Variants in TRPM3 observed in about 807,000 individuals in gnomAD.
TRPM3 encodes transient receptor potential cation channel subfamily M member 3.
A neutral mutation model predicts 181.2 loss-of-function variants in TRPM3; 77 were observed. The ratio of observed to expected loss-of-function variants is 0.42; its 90% CI spans 0.35 to 0.51. The LOEUF is 0.51. Ranked by LOEUF, TRPM3 falls within the 20% of genes least tolerant of loss-of-function variation. The pLI is 0.01. For synonymous variants in TRPM3, 745 were observed against 796.4 expected, an observed-to-expected ratio of 0.94 and a Z score of 1.09; for missense variants, 1,759 against 2,196.7, an observed-to-expected ratio of 0.80 and a Z score of 3.98.
intron 1 of TRPM3, among the ~76,000 whole-genome samples, chr9:71,199,245 C>G (rs2078614644): frequency 6.6e-6 from 1 of 151,566 alleles, no homozygotes; most frequent in African/African-American, 2.4e-5. Context: ...GGTGGATAAG[C>G]TTTTTGATGT....
rs2040581559 is a variant in TRPM3, at chr9:70,529,545, G to A, written c.*6408C>T. On this transcript the variant is annotated 3_prime_UTR_variant, in exon 26 of 26. Coordinates refer to ENST00000677713, the MANE Select transcript of TRPM3 (RefSeq NM_001366145.2). ...CGCAGTAGTGACAGGAAGCAGGTAA[G>A]TCTTCATACCATGCTATGGTACTCT... 1.3e-5 allele frequency: 2 copies of A among 152,178 alleles called. No homozygotes were observed. The highest frequency in any genetic ancestry group is 2.1e-4 in the South Asian group (1 of 4,828). The allele number at this position is 152,178 out of a possible 1,614,324, so 9.4% of individuals were successfully genotyped here.
chr9:71,298,984 T>C (rs1260665611), intron 1 of TRPM3, among the ~76,000 whole-genome samples: 2 of 152,110 alleles, frequency 1.3e-5, no homozygotes, highest in Non-Finnish European at 2.9e-5. Context: ...TAGATAAATC[T>C]TTGTCTAAAA....
intron 8 of TRPM3, among the ~76,000 whole-genome samples, chr9:70,689,530 AAC>A (rs1554670595): frequency 8.0e-5 from 12 of 149,712 alleles, no homozygotes. Context: ...TTAAAAAAAA[AAC>A]AACAAGAGAG....
intron 8 of TRPM3, among the ~76,000 whole-genome samples, chr9:70,684,869 T>G (rs568209651): frequency 6.6e-5 from 10 of 152,322 alleles, no homozygotes; most frequent in African/African-American, 2.4e-4. Flanking sequence ...GGTTTGGGTA[T>G]TAGAGTTACG....
At chr9:71,158,186 C>T (rs2076098722) in intron 1 of TRPM3, among the ~76,000 whole-genome samples, 2 of 152,118 alleles carry the variant, frequency 1.3e-5, no homozygotes, top group Admixed American at 6.6e-5. Flanking sequence ...GAAACTGAAG[C>T]TTTACTTAGT....
chr9:70,802,536 T>C (rs1212764585), intron 6 of TRPM3, among the ~76,000 whole-genome samples: 3 of 152,216 alleles, frequency 2.0e-5, no homozygotes, highest in Non-Finnish European at 4.4e-5. Context: ...AGGAAACATA[T>C]ATTAGTCTGT....
At position 70,598,599 on chromosome 9, in the gene TRPM3, C is replaced by T. The variant is rs771870071; in HGVS notation, c.2868G>A (p.Thr956=). The T allele has an allele frequency of 9.3e-6, 15 of 1,614,044 alleles. No individual in the cohort carries two copies. Among genetic ancestry groups the T allele is most frequent in the East Asian group, 2.2e-5 (1 of 44,896 alleles). Residue 956 remains threonine (T), a synonymous_variant, in exon 21 of 26, where the codon ACG becomes ACA. Coordinates refer to ENST00000677713, the MANE Select transcript of TRPM3 (RefSeq NM_001366145.2). ...KVWLQEYWNV[T]DLIAILLFSV... Reference sequence around the variant, plus strand: ...AAAACAGAAGGATGGCGATGAGGTCCGTGACATTCCAGTACTCCTGCAGCC... The same window carrying T: ...AAAACAGAAGGATGGCGATGAGGTCTGTGACATTCCAGTACTCCTGCAGCC...
intron 9 of TRPM3, among the ~76,000 whole-genome samples, chr9:70,663,028 G>C (rs1412210295): frequency 6.6e-6 from 1 of 152,106 alleles, no homozygotes; most frequent in South Asian, 2.1e-4. Context: ...AGAAAATGCA[G>C]TATATACACA....
At chr9:71,339,878 T>C (rs542549278) in intron 1 of TRPM3, among the ~76,000 whole-genome samples, 65 of 152,230 alleles carry the variant, frequency 4.3e-4, no homozygotes, top group African/African-American at 1.4e-3. Flanking sequence ...GTTTTTGGTA[T>C]ATAAATTTAC....
chr9:70,817,407 C>T (rs1050502259), intron 6 of TRPM3, among the ~76,000 whole-genome samples: 4 of 152,138 alleles, frequency 2.6e-5, no homozygotes, highest in Admixed American at 1.3e-4. Context: ...TGAGTCCTCA[C>T]AGGAGTGAGG....
intron 1 of TRPM3, among the ~76,000 whole-genome samples, chr9:70,887,375 C>T (rs543062546): frequency 1.3e-5 from 2 of 152,234 alleles, no homozygotes; most frequent in African/African-American, 4.8e-5. Context: ...TGATTCCTCA[C>T]TATGTCATTA....
chr9:71,174,957 T>C (rs1006993195), intron 1 of TRPM3, among the ~76,000 whole-genome samples: 5 of 152,126 alleles, frequency 3.3e-5, no homozygotes, highest in Admixed American at 1.3e-4. Flanking sequence ...CTGGAGTTAC[T>C]GGAAATGAAT....
chr9:70,636,098 G>A (rs954977559), intron 11 of TRPM3, among the ~76,000 whole-genome samples: 1 of 152,130 alleles, frequency 6.6e-6, no homozygotes, highest in Non-Finnish European at 1.5e-5. Flanking sequence ...TGGGTCACAC[G>A]GTCTTTACTG....
At chr9:71,268,290 G>A (rs1260757568) in intron 1 of TRPM3, among the ~76,000 whole-genome samples, 1 of 152,078 alleles carries the variant, frequency 6.6e-6, no homozygotes, top group Non-Finnish European at 1.5e-5. Flanking sequence ...TGAGGCAGGA[G>A]AATCACTTGA....
intron 1 of TRPM3, among the ~76,000 whole-genome samples, chr9:71,035,641 C>T (rs184952643): frequency 3.5e-3 from 537 of 152,212 alleles, no homozygotes; most frequent in Non-Finnish European, 5.9e-3. Flanking sequence ...CTCTTGAACC[C>T]GGGAGGCAGA....
At chr9:71,197,701 C>T (rs1027281165) in intron 1 of TRPM3, among the ~76,000 whole-genome samples, 4 of 151,780 alleles carry the variant, frequency 2.6e-5, no homozygotes, top group African/African-American at 7.3e-5. Context: ...TTCCTTCGCC[C>T]ACTTTTTGAT....
rs112559511 is a variant in TRPM3 at position 71,284,529 on chromosome 9, C to T, written c.183+162124G>A. Among the ~76,000 whole-genome samples the T allele has an allele frequency of 8.9e-3, 1,351 of 152,284 alleles. 27 individuals are homozygous for T. The highest frequency in any genetic ancestry group is 0.031 in the African/African-American group (1,287 of 41,546). On this transcript the variant is annotated intron_variant, in intron 1 of 24. Coordinates refer to the TRPM3 transcript ENST00000357533. ...CCTCTCAGAATCTGAGCCTAATAAA[C>T]GCAGTACTGTTATATTAGCTTGTTA...
At chr9:71,003,646 G>A (rs1384146068) in intron 1 of TRPM3, among the ~76,000 whole-genome samples, 1 of 152,142 alleles carries the variant, frequency 6.6e-6, no homozygotes, top group Admixed American at 6.5e-5. Flanking sequence ...CATGGGAAAT[G>A]TATCTCAGTG....
At chr9:71,258,583 C>A (rs1160399540) in intron 1 of TRPM3, among the ~76,000 whole-genome samples, 1 of 151,980 alleles carries the variant, frequency 6.6e-6, no homozygotes, top group East Asian at 1.9e-4. Context: ...AATTTCTACC[C>A]CGTAAAGTAA....
Sources: gnomAD v4.1 joint callset for allele counts (sites outside exome capture counted in the v4.1 genomes callset) on GRCh38, gnomAD v4.1.1 for gene constraint, MANE v1.5 for transcripts, NCBI Gene and HGNC (gene_info 2026-07-23, HGNC 2026-07-21) for gene names.